Variants in APOB observed in about 807,000 individuals in gnomAD.
The protein encoded by APOB is apolipoprotein B.
In APOB, 153 loss-of-function variants were observed where a neutral mutation model predicts 314.1. The observed-to-expected ratio is 0.49, with a 90% CI of 0.43 to 0.56. APOB has a LOEUF of 0.56. APOB is among the 20% of genes least tolerant of loss of function. APOB has a pLI of 0.00. For missense variants in APOB, 5,430 were observed against 5,350.7 expected, an observed-to-expected ratio of 1.01 and a Z score of -0.46; for synonymous variants, 2,087 against 2,036.4, an observed-to-expected ratio of 1.02 and a Z score of -0.67.
Position 21,006,697 on chromosome 2 carries a change from T to C in APOB, c.10171A>G (p.Arg3391Gly). The C allele has an allele frequency of 6.2e-7, 1 of 1,614,058 alleles. No individual in the cohort carries two copies. The highest frequency in any genetic ancestry group is 8.5e-7 in the Non-Finnish European group (1 of 1,179,952). ...AGAGCTGTGGCTAACTTCAATCCCCTTTTTCTTGTCAATCTTGTGGTGCCC... is the reference window on the plus strand; with the variant it reads ...AGAGCTGTGGCTAACTTCAATCCCCCTTTTCTTGTCAATCTTGTGGTGCCC... ...LEGTTRLTRK[R>G]GLKLATALSL... Residue 3391 changes from arginine (R) to glycine (G), a missense_variant, in exon 26 of 29, where the codon AGG becomes GGG. Arg to Gly is a moderately radical substitution (Grantham distance 125). Coordinates refer to ENST00000233242, the MANE Select transcript of APOB (RefSeq NM_000384.3).
At chr2:21,039,482 C>T (rs1408738845) in intron 4 of APOB, among the ~76,000 whole-genome samples, 1 of 152,196 alleles carries the variant, frequency 6.6e-6, no homozygotes, top group Non-Finnish European at 1.5e-5. Context: ...TGCAGCCACT[C>T]TGGTTACATC....
Position 21,007,028 on chromosome 2 carries a change from C to G in APOB, c.9840G>C (p.Met3280Ile), listed in dbSNP as rs1412206640. The part of the protein sequence containing the change: ...FGYVFPKAVS[M>I]PSFSILGSDV... Reference sequence around the variant, plus strand: ...CAGAACCTAGGATGGAGAAACTAGGCATGCTGACTGCTTTTGGGAACACAT... The same window carrying G: ...CAGAACCTAGGATGGAGAAACTAGGGATGCTGACTGCTTTTGGGAACACAT... Residue 3280 changes from methionine (M) to isoleucine (I), a missense_variant, in exon 26 of 29, where the codon ATG becomes ATC. By Grantham distance (10) the Met-to-Ile change is conservative. Around this residue, in one of 3 missense-constraint regions of APOB, gnomAD observed 3,281 missense variants for 3,171.0 expected, o/e 1.03. Coordinates refer to ENST00000233242, the MANE Select transcript of APOB (RefSeq NM_000384.3). 1 of 1,613,898 alleles carries G rather than the reference C, an allele frequency of 6.2e-7. No homozygotes were observed. Among genetic ancestry groups the G allele is most frequent in the African/African-American group, 1.3e-5 (1 of 74,904 alleles).
At chr2:21,017,894 A>T (rs1008078098) in intron 20 of APOB, among the ~76,000 whole-genome samples, 1 of 152,050 alleles carries the variant, frequency 6.6e-6, no homozygotes, top group Non-Finnish European at 1.5e-5. Flanking sequence ...CTATATAAAA[A>T]TTTTTCCAAA....
rs199954127 is a variant in APOB, at chr2:21,005,559, A to C, written c.11309T>G (p.Ile3770Ser). The C allele has an allele frequency of 6.4e-5, 103 of 1,613,910 alleles. No homozygotes were observed. Among genetic ancestry groups the C allele is most frequent in the Admixed American group, 8.3e-5 (5 of 59,984 alleles). ...SCKLDFREIQIYKKLRTSSFA... is the reference protein window; with the variant it reads ...SCKLDFREIQSYKKLRTSSFA... ...TGATGAAGTTCTCAGCTTCTTATAGATTTGTATTTCTCTGAAGTCAAGTTT... is the reference window on the plus strand; with the variant it reads ...TGATGAAGTTCTCAGCTTCTTATAGCTTTGTATTTCTCTGAAGTCAAGTTT... Residue 3770 changes from isoleucine (I) to serine (S), a missense_variant, in exon 26 of 29, where the codon ATC becomes AGC. By Grantham distance (142) the Ile-to-Ser change is moderately radical (BLOSUM62 -2). Around this residue, in one of 3 missense-constraint regions of APOB, gnomAD observed 3,281 missense variants for 3,171.0 expected, o/e 1.03. Transcript: ENST00000233242.
chr2:21,043,919 C>T lies in APOB; in HGVS notation c.27G>A (p.Leu9=). 1 of 917,016 alleles carries T rather than the reference C, an allele frequency of 1.1e-6. No homozygotes were observed. The highest frequency in any genetic ancestry group is 1.5e-6 in the Non-Finnish European group (1 of 654,864). The allele number at this position is 917,016 out of a possible 1,614,324, so 56.8% of individuals were successfully genotyped here. A position where few individuals can be genotyped will look rare whatever the true frequency, so the allele number is the denominator to read the frequency against. Residue 9 remains leucine, a synonymous_variant, in exon 1 of 29, where the codon CTG becomes CTA. Transcript: ENST00000233242. ...GCAGCGCAGGCAGCGCCAGCAGCGC[C>T]AGCAGCGCGGGCCTCGGCGGGTCCA... MDPPRPAL[L]ALLALPALLL...
intron 10 of APOB, among the ~76,000 whole-genome samples, chr2:21,031,253 T>C (rs1294023803): frequency 2.6e-5 from 4 of 152,228 alleles, no homozygotes; most frequent in Non-Finnish European, 5.9e-5. Flanking sequence ...GTATAGGCAA[T>C]AAAATACTAT....
In APOB at chr2:21,013,308, T is replaced by C; in HGVS notation, c.4068A>G (p.Leu1356=). The C allele has an allele frequency of 6.2e-7, 1 of 1,614,138 alleles. No homozygotes were observed. The highest frequency in any genetic ancestry group is 2.2e-5 in the East Asian group (1 of 44,876). The part of the protein sequence containing the change: ...YQLQVPLLGV[L]DLSTNVYSNL... The stretch of plus-strand genomic sequence containing the variant: ...TGCTGTAGACATTCGTGGAGAGGTC[T>C]AGAACACCCAGGAGAGGCACTTGCA... Residue 1356 remains leucine, a synonymous_variant, in exon 25 of 29, where the codon CTA becomes CTG. Transcript: ENST00000233242.
intron 16 of APOB, chr2:21,024,598 C>A (rs1490607450): frequency 1.0e-5 from 5 of 491,592 alleles, no homozygotes; most frequent in Admixed American, 3.8e-5. Context: ...AGCCTGGGAG[C>A]AAGACTCCAT....
chr2:21,007,774 T>C lies in APOB; in HGVS notation c.9094A>G (p.Thr3032Ala). ...DAHLNGKVIG[T>A]LKNSLFFSAQ... is the part of the protein sequence containing the mutation. Reference sequence around the variant, plus strand: ...GAAAAGAAAAGAGAATTTTTCAAAGTTCCAATAACCTTTCCATTTAAATGA... The same window carrying C: ...GAAAAGAAAAGAGAATTTTTCAAAGCTCCAATAACCTTTCCATTTAAATGA... Residue 3032 changes from threonine (T) to alanine (A), a missense_variant, in exon 26 of 29, where the codon ACT (threonine) becomes GCT (alanine). Coordinates refer to ENST00000233242, the MANE Select transcript of APOB (RefSeq NM_000384.3). 1 of 1,614,064 alleles carries C rather than the reference T, an allele frequency of 6.2e-7. No homozygotes were observed. Among genetic ancestry groups the C allele is most frequent in the Non-Finnish European group, 8.5e-7 (1 of 1,179,956 alleles).
At chr2:21,038,682 C>T (rs1314037046) in intron 4 of APOB, among the ~76,000 whole-genome samples, 2 of 152,186 alleles carry the variant, frequency 1.3e-5, no homozygotes, top group Non-Finnish European at 2.9e-5. Context: ...GCTCTGTTCT[C>T]CACCCATATC....
chr2:21,004,221 A>G, intron 28 of APOB, 48 bp downstream of exon 28: 3 of 1,601,648 alleles, frequency 1.9e-6, no homozygotes, highest in Non-Finnish European at 2.6e-6. Context: ...ATCTGCCCCA[A>G]TTCTCCACTC....
chr2:21,018,946 C>T (rs1663536169), intron 20 of APOB, 46 bp downstream of exon 20: 1 of 1,613,398 alleles, frequency 6.2e-7, no homozygotes, highest in East Asian at 2.2e-5. Flanking sequence ...AATTCTGAAC[C>T]TGAGACTGCG....
chr2:21,026,719 C>G lies in APOB; in HGVS notation c.2244+69G>C, dbSNP rs1326922923. On this transcript the variant is annotated intron_variant, in intron 15 of 28. Coordinates refer to ENST00000233242, the MANE Select transcript of APOB (RefSeq NM_000384.3). ...AGATAGTATTTTGAGGACTTCCATG[C>G]TTAGAAAAGAATTGTTTTTGCATTG... 2.3e-5 allele frequency: 30 copies of G among 1,301,054 alleles called. No individual in the cohort carries two copies. The Admixed American group carries it at 2.4e-4, about 10-fold the overall frequency. The allele number at this position is 1,301,054 out of a possible 1,614,324, so 80.6% of individuals were successfully genotyped here.
rs1168750195 is a variant in APOB at position 21,024,704 on chromosome 2, A to G, written c.2436+229T>C. ...CATTGTTTTCCAGATGAATAAATTAATGCTCTTAAAAATACAGCTAACATT... is the reference window on the plus strand; with the variant it reads ...CATTGTTTTCCAGATGAATAAATTAGTGCTCTTAAAAATACAGCTAACATT... On this transcript the variant is annotated intron_variant, in intron 16 of 28. Coordinates refer to ENST00000233242, the MANE Select transcript of APOB (RefSeq NM_000384.3). The G allele has an allele frequency of 4.4e-6, 3 of 683,570 alleles. No individual in the cohort carries two copies. The Admixed American group carries it at 7.0e-5, about 16-fold the overall frequency. 42.3% of individuals were successfully genotyped at this position (683,570 alleles called of 1,614,324 possible). A position where few individuals can be genotyped will look rare whatever the true frequency, so the allele number is the denominator to read the frequency against.
At chr2:21,015,602 C>T (rs749537303) in intron 21 of APOB, 57 bp from the exon 22 acceptor site, 2 of 1,560,076 alleles carry the variant, frequency 1.3e-6, no homozygotes, top group Non-Finnish European at 1.8e-6. Flanking sequence ...TGGAGATATG[C>T]AGGATTAAAC....
rs755338668 is a variant in APOB, at chr2:21,004,657, A to G, written c.11807T>C (p.Ile3936Thr). 2 of 1,613,630 alleles carry G rather than the reference A, an allele frequency of 1.2e-6. No individual in the cohort carries two copies. The highest frequency in any genetic ancestry group is 2.2e-5 in the East Asian group (1 of 44,874). Residue 3936 changes from isoleucine to threonine, a missense_variant, in exon 27 of 29, where the codon ATC becomes ACC. Transcript: ENST00000233242. ...YELNVLGTHK[I>T]EDGTLASKTK... ...CTTAGAGGCTAACGTACCATCTTCGATTTTGTGTGTTCCCAAAACTGTATA... is the reference window on the plus strand; with the variant it reads ...CTTAGAGGCTAACGTACCATCTTCGGTTTTGTGTGTTCCCAAAACTGTATA...
At chr2:21,018,460 C>A (rs1291432055) in intron 20 of APOB, among the ~76,000 whole-genome samples, 1 of 152,208 alleles carries the variant, frequency 6.6e-6, no homozygotes, top group East Asian at 1.9e-4. Context: ...TCTGCTCCAG[C>A]CATACTGTCT....
At position 21,011,342 on chromosome 2, in the gene APOB, G is replaced by A; in HGVS notation, c.5526C>T (p.Ile1842=). The A allele has an allele frequency of 6.2e-7, 1 of 1,614,180 alleles. No homozygotes were observed. The highest frequency in any genetic ancestry group is 1.1e-5 in the South Asian group (1 of 91,084). ...AGCTTGCTGATAAGGCAGCAGAAGAGATGGCATAGATGTGTTTTATTTCAT... is the reference window on the plus strand; with the variant it reads ...AGCTTGCTGATAAGGCAGCAGAAGAAATGGCATAGATGTGTTTTATTTCAT... ...QNNEIKHIYA[I]SSAALSASYK... Residue 1842 remains isoleucine (I), a synonymous_variant, in exon 26 of 29, where the codon ATC becomes ATT. Coordinates refer to ENST00000233242, the MANE Select transcript of APOB (RefSeq NM_000384.3).
chr2:21,006,832 T>C lies in APOB; in HGVS notation c.10036A>G (p.Ser3346Gly), dbSNP rs1663156419. ...GCATTGGTATTCAGTGTGATGACAC[T>C]TGATTTAAAGGAGAAATCATAGGTA... ...NITYDFSFKS[S>G]VITLNTNAEL... The change falls in exon 26 of 29, where the codon AGT (serine) becomes GGT (glycine). Residue 3346 changes from serine (S) to glycine (G), a missense_variant. Ser to Gly is a moderately conservative substitution (Grantham distance 56). Coordinates refer to ENST00000233242, the MANE Select transcript of APOB (RefSeq NM_000384.3). The C allele has an allele frequency of 6.2e-7, 1 of 1,613,910 alleles. No individual in the cohort carries two copies. The highest frequency in any genetic ancestry group is 1.7e-5 in the Admixed American group (1 of 59,996).
Sources: gnomAD v4.1 joint callset for allele counts (sites outside exome capture counted in the v4.1 genomes callset) on GRCh38, gnomAD v4.1.1 for gene constraint, gnomAD v4.1.1 regional missense constraint, MANE v1.5 for transcripts, NCBI Gene and HGNC (gene_info 2026-07-23, HGNC 2026-07-21) for gene names.